EIF3E: variants seen among roughly 807,000 people sequenced by gnomAD.
EIF3E encodes the protein eukaryotic translation initiation factor 3 subunit E, also known as eIF-3 p48.
EIF3E carries 25 observed loss-of-function variants against 59.3 expected under a neutral mutation model. That is an observed-to-expected ratio of 0.42 (90% CI 0.31 to 0.59). EIF3E has a LOEUF of 0.59. EIF3E is among the 20% of genes least tolerant of loss of function. The pLI is 0.15. For synonymous variants in EIF3E, 176 were observed against 170.2 expected (o/e 1.03, Z -0.26); for missense variants, 317 against 534.3 (o/e 0.59, Z 4.01).
At chr8:108,234,920 A>G in intron 5 of EIF3E, 78 bp downstream of exon 5, 1 of 900,222 alleles carries the variant, frequency 1.1e-6, no homozygotes, top group Non-Finnish European at 1.6e-6. Context: ...AAATCTATCT[A>G]TATACATGTT....
rs1236898652 is a variant in EIF3E, at chr8:108,216,305, T to A, written c.951+107A>T. 3 of 819,250 alleles carry A rather than the reference T, an allele frequency of 3.7e-6. No individual in the cohort carries two copies. The Admixed American group carries it at 8.8e-5, about 24-fold the overall frequency. The allele number at this position is 819,250 out of a possible 1,614,324, so 50.7% of individuals were successfully genotyped here. On this transcript the variant is annotated intron_variant, in intron 9 of 12. Transcript: ENST00000220849. ...CCTTTTTAAGATTAATAAGCATATTTCCGTTATAATTACTTCATTACTTTA... is the reference window on the plus strand; with the variant it reads ...CCTTTTTAAGATTAATAAGCATATTACCGTTATAATTACTTCATTACTTTA...
At chr8:108,213,041 A>T (rs1364366128) in intron 10 of EIF3E, among the ~76,000 whole-genome samples, 1 of 152,174 alleles carries the variant, frequency 6.6e-6, no homozygotes, top group Non-Finnish European at 1.5e-5. Flanking sequence ...CTACACGGAG[A>T]AAAGTCTGAA....
At chr8:108,224,995 T>G (rs2129886486) in intron 7 of EIF3E, among the ~76,000 whole-genome samples, 1 of 151,724 alleles carries the variant, frequency 6.6e-6, no homozygotes, top group Non-Finnish European at 1.5e-5. Context: ...CTTTCTAGTC[T>G]TCTGTATGAC....
chr8:108,233,650 T>A (rs1386447031), intron 5 of EIF3E: 2 of 409,298 alleles, frequency 4.9e-6, no homozygotes, highest in Non-Finnish European at 9.9e-6. Context: ...GAGATCAGCC[T>A]GGGCAACATA....
In EIF3E at chr8:108,202,726, GA is replaced by G. The variant is rs1815017408; in HGVS notation, c.1299+256del. 3.9e-5 allele frequency among the ~76,000 whole-genome samples: 6 copies of G among 152,004 alleles called. No individual in the cohort carries two copies. The South Asian group carries it at 1.2e-3, about 31-fold the overall frequency. On this transcript the variant is annotated intron_variant, in intron 12 of 12. Transcript: ENST00000220849. ...GAAAACCCTGAGGAAATGAGTTAAT[GA>G]AGTCACACAGGAAGAGTCAAAGCAA...
Position 108,217,325 on chromosome 8 carries a change from T to C in EIF3E, c.849+9A>G, listed in dbSNP as rs73700825. ...TAAAAAAAAAAATCAATATATATTT[T>C]AGTTTTACCTGTTGAATAACTTTAA... On this transcript the variant is annotated intron_variant, in intron 8 of 12. Coordinates refer to ENST00000220849, the MANE Select transcript of EIF3E (RefSeq NM_001568.3). 1.4e-3 allele frequency: 2,117 copies of C among 1,522,660 alleles called. 34 individuals carry two copies. The African/African-American group carries it at 0.026, about 19-fold the overall frequency. 94.3% of individuals were successfully genotyped at this position (1,522,660 alleles called of 1,614,324 possible). A position where few individuals can be genotyped will look rare whatever the true frequency, so the allele number is the denominator to read the frequency against.
At chr8:108,245,302 C>G (rs1218838314) in intron 1 of EIF3E, among the ~76,000 whole-genome samples, 1 of 151,970 alleles carries the variant, frequency 6.6e-6, no homozygotes, top group Non-Finnish European at 1.5e-5. Context: ...CCCATCTCTA[C>G]AAAAAATACA....
At chr8:108,205,624 T>A (rs1359569704) in intron 10 of EIF3E, among the ~76,000 whole-genome samples, 1 of 152,212 alleles carries the variant, frequency 6.6e-6, no homozygotes, top group Non-Finnish European at 1.5e-5. Context: ...CTGGCTAGCA[T>A]GATGACATCT....
At chr8:108,233,905 C>CA (rs1344682485) in intron 5 of EIF3E, among the ~76,000 whole-genome samples, 1 of 144,966 alleles carries the variant, frequency 6.9e-6, no homozygotes, top group Non-Finnish European at 1.5e-5. Context: ...TCCAAGGTAA[C>CA]AAATTATAAT....
intron 10 of EIF3E, among the ~76,000 whole-genome samples, chr8:108,211,563 A>C (rs2129855349): frequency 6.6e-6 from 1 of 152,286 alleles, no homozygotes; most frequent in African/African-American, 2.4e-5. Flanking sequence ...CTCTGATGGT[A>C]GTTTCTTTTG....
intron 7 of EIF3E, among the ~76,000 whole-genome samples, chr8:108,224,769 C>CA (rs1815488292): frequency 6.6e-6 from 1 of 151,410 alleles, no homozygotes; most frequent in African/African-American, 2.5e-5. Context: ...TTATATCACT[C>CA]AGTTAAGTTA....
intron 10 of EIF3E, among the ~76,000 whole-genome samples, chr8:108,210,549 C>A (rs1033854720): frequency 1.3e-5 from 2 of 152,130 alleles, no homozygotes; most frequent in African/African-American, 4.8e-5. Flanking sequence ...AAAATGTTAG[C>A]TGTATTTATA....
chr8:108,208,940 T>C (rs1240224353), intron 10 of EIF3E, among the ~76,000 whole-genome samples: 2 of 152,100 alleles, frequency 1.3e-5, no homozygotes, highest in Admixed American at 6.5e-5. Context: ...TTGCAAACTT[T>C]ATGGTAAACA....
At chr8:108,201,960 A>G in intron 12 of EIF3E, 37 bp from the exon 13 acceptor site, 1 of 1,533,898 alleles carries the variant, frequency 6.5e-7, no homozygotes, top group Non-Finnish European at 8.8e-7. Flanking sequence ...CCGTGAAAAG[A>G]AAATACTTTC....
At chr8:108,243,638 GAAAAAA>G (rs779684560) in intron 1 of EIF3E, among the ~76,000 whole-genome samples, 1 of 70,978 alleles carries the variant, frequency 1.4e-5, no homozygotes, top group East Asian at 5.9e-4. Context: ...CAAAAAAAAA[GAAAAAA>G]AAAAAAAAAA....
At chr8:108,226,041 T>C (rs1815510084) in intron 7 of EIF3E, among the ~76,000 whole-genome samples, 1 of 152,202 alleles carries the variant, frequency 6.6e-6, no homozygotes, top group Admixed American at 6.5e-5. Flanking sequence ...GTAACATTCT[T>C]TCATTATGAA....
At chr8:108,208,437 A>G (rs1285464997) in intron 10 of EIF3E, among the ~76,000 whole-genome samples, 1 of 152,168 alleles carries the variant, frequency 6.6e-6, no homozygotes, top group Non-Finnish European at 1.5e-5. Context: ...GTTTAACTGT[A>G]TGATTGGGAG....
intron 9 of EIF3E, among the ~76,000 whole-genome samples, chr8:108,215,176 T>C (rs934076136): frequency 1.3e-5 from 2 of 151,354 alleles, no homozygotes; most frequent in African/African-American, 4.9e-5. Flanking sequence ...AGCAACCAAG[T>C]ACCCTCTAGG....
chr8:108,205,504 G>A (rs951829735), intron 10 of EIF3E, among the ~76,000 whole-genome samples: 4 of 152,062 alleles, frequency 2.6e-5, no homozygotes, highest in African/African-American at 7.2e-5. Context: ...CCACTTATCC[G>A]TAGTTCCACT....
Sources: gnomAD v4.1 joint callset for allele counts (sites outside exome capture counted in the v4.1 genomes callset) on GRCh38, gnomAD v4.1.1 for gene constraint, MANE v1.5 for transcripts, NCBI Gene and HGNC (gene_info 2026-07-23, HGNC 2026-07-21) for gene names.